The following TMTC2 variants were observed in gnomAD, a reference collection of about 807,000 sequenced individuals.
TMTC2 encodes transmembrane O-mannosyltransferase targeting cadherins 2, also known as protein O-mannosyl-transferase TMTC2.
In TMTC2, 43 loss-of-function variants were observed where a neutral mutation model predicts 82.4. That is an observed-to-expected ratio of 0.52 (90% CI 0.41 to 0.67). The LOEUF (loss-of-function observed/expected upper bound fraction) is 0.67, where lower values mean the gene tolerates loss of function less well. Ranked by LOEUF, TMTC2 falls within the 30% of genes least tolerant of loss-of-function variation. The probability of loss-of-function intolerance (pLI) is 0.00; values close to 1 mark genes in which losing one functional copy is unlikely to be tolerated. For missense variants in TMTC2, 919 were observed against 1,012.4 expected, an observed-to-expected ratio of 0.91 and a Z score of 1.25; for synonymous variants, 408 against 381.9, an observed-to-expected ratio of 1.07 and a Z score of -0.80.
intron 1 of TMTC2, among the ~76,000 whole-genome samples, chr12:82,838,168 T>C (rs1870150707): frequency 6.6e-6 from 1 of 152,204 alleles, no homozygotes; most frequent in African/African-American, 2.4e-5. Context: ...GATCACAAGA[T>C]AAGGCAGGCT....
At chr12:83,032,937 T>A (rs1220478790) in intron 9 of TMTC2, among the ~76,000 whole-genome samples, 1 of 152,154 alleles carries the variant, frequency 6.6e-6, no homozygotes, top group African/African-American at 2.4e-5. Flanking sequence ...AAAAACCAAT[T>A]CTTCTTAGAA....
chr12:83,091,531 G>T (rs548250682), intron 11 of TMTC2, among the ~76,000 whole-genome samples: 2 of 152,244 alleles, frequency 1.3e-5, no homozygotes, highest in East Asian at 3.9e-4. Context: ...CACAATTGCT[G>T]AATTTGAATA....
At chr12:82,996,064 A>C (rs1202636789) in intron 8 of TMTC2, among the ~76,000 whole-genome samples, 1 of 152,216 alleles carries the variant, frequency 6.6e-6, no homozygotes, top group Non-Finnish European at 1.5e-5. Flanking sequence ...TTCAGTTTTT[A>C]GATTTTTCTT....
At chr12:83,114,775 G>A (rs1884701211) in intron 11 of TMTC2, among the ~76,000 whole-genome samples, 1 of 151,904 alleles carries the variant, frequency 6.6e-6, no homozygotes. Context: ...ACCCCAGTAT[G>A]TCTTTGCTTA....
intron 2 of TMTC2, among the ~76,000 whole-genome samples, chr12:82,871,681 C>CTGTGTGTGTGTG (rs10662218): frequency 0.017 from 2,348 of 142,134 alleles, 82 homozygotes; most frequent in African/African-American, 0.057. Context: ...CTCTGCTCAT[C>CTGTGTGTGTGTG]TGTGTGTGTG....
chr12:82,978,849 A>G (rs1042985149), intron 7 of TMTC2, among the ~76,000 whole-genome samples: 3 of 151,772 alleles, frequency 2.0e-5, no homozygotes, highest in African/African-American at 7.2e-5. Context: ...CTTGGTTTAT[A>G]TATCTGGGTT....
chr12:82,690,106 A>T (rs1872515567), intron 1 of TMTC2, among the ~76,000 whole-genome samples: 1 of 152,240 alleles, frequency 6.6e-6, no homozygotes, highest in Admixed American at 6.5e-5. Flanking sequence ...TTGTGAAGTT[A>T]CACTATAAAT....
chr12:83,076,974 A>G (rs1167559663), intron 11 of TMTC2, among the ~76,000 whole-genome samples: 1 of 152,232 alleles, frequency 6.6e-6, no homozygotes, highest in Non-Finnish European at 1.5e-5. Flanking sequence ...TGAAAGTTCC[A>G]TGTCCTTGTT....
At chr12:83,109,520 T>A (rs535231903) in intron 11 of TMTC2, among the ~76,000 whole-genome samples, 1 of 152,290 alleles carries the variant, frequency 6.6e-6, no homozygotes, top group South Asian at 2.1e-4. Context: ...CTTACCAGGT[T>A]TTCTCTTCTG....
At chr12:82,889,282 A>AAAC (rs745538936) in intron 2 of TMTC2, among the ~76,000 whole-genome samples, 10 of 149,518 alleles carry the variant, frequency 6.7e-5, no homozygotes, top group Middle Eastern at 3.5e-3. Flanking sequence ...AAAAAAAAAA[A>AAAC]AGTGTAGGAA....
intron 2 of TMTC2, among the ~76,000 whole-genome samples, chr12:82,893,547 A>G (rs1873507477): frequency 6.6e-6 from 1 of 152,148 alleles, no homozygotes; most frequent in East Asian, 1.9e-4. Flanking sequence ...GCACTATTGT[A>G]TCTGATATTA....
chr12:82,729,180 G>A (rs957442787), intron 1 of TMTC2, among the ~76,000 whole-genome samples: 4 of 152,224 alleles, frequency 2.6e-5, no homozygotes, highest in African/African-American at 9.6e-5. Flanking sequence ...AAGCCAGTTG[G>A]GCTCCTGAGT....
At chr12:83,049,685 G>A (rs1401176643) in intron 9 of TMTC2, among the ~76,000 whole-genome samples, 2 of 152,152 alleles carry the variant, frequency 1.3e-5, no homozygotes, top group African/African-American at 2.4e-5. Context: ...CACAATAATG[G>A]GATTGCTGTG....
chr12:82,972,700 G>T (rs1182331712), intron 7 of TMTC2, among the ~76,000 whole-genome samples: 1 of 152,114 alleles, frequency 6.6e-6, no homozygotes, highest in South Asian at 2.1e-4. Flanking sequence ...TAGGTGAGAA[G>T]AACTGACAAA....
At chr12:82,956,296 A>AATATATAT (rs146632110) in intron 4 of TMTC2, among the ~76,000 whole-genome samples, 1 of 150,204 alleles carries the variant, frequency 6.7e-6, no homozygotes, top group African/African-American at 2.4e-5. Flanking sequence ...TGGAATGAAA[A>AATATATAT]ATATATATAT....
Position 82,815,293 on chromosome 12 carries a change from TTTAA to T in TMTC2, c.84-41701_84-41698del, listed in dbSNP as rs199636738. Among the ~76,000 whole-genome samples, 72 of 150,558 alleles carry T rather than the reference TTTAA, an allele frequency of 4.8e-4. 1 individual carries two copies. The highest frequency in any genetic ancestry group is 1.3e-3 in the Admixed American group (20 of 15,132). Reference sequence around the variant, plus strand: ...GCCATTCTTTTGCGCATTTATTTTTTTTAATTAATTAATTAATTATTTATTTATT... The same window carrying T: ...GCCATTCTTTTGCGCATTTATTTTTTTTAATTAATTAATTATTTATTTATT... On this transcript the variant is annotated intron_variant, in intron 1 of 11. Transcript: ENST00000321196.
At chr12:82,777,834 G>A (rs1202498144) in intron 1 of TMTC2, among the ~76,000 whole-genome samples, 2 of 151,972 alleles carry the variant, frequency 1.3e-5, no homozygotes, top group African/African-American at 4.8e-5. Flanking sequence ...AATTGTTGAT[G>A]TTCATGCTTT....
At chr12:82,716,597 T>C (rs112191960) in intron 1 of TMTC2, among the ~76,000 whole-genome samples, 15,545 of 151,966 alleles carry the variant, frequency 0.1, 912 homozygotes, top group East Asian at 0.23. Flanking sequence ...CTCCTGACCT[T>C]GTGATCCGCC....
At chr12:82,976,023 G>A (rs1878655008) in intron 7 of TMTC2, among the ~76,000 whole-genome samples, 1 of 151,722 alleles carries the variant, frequency 6.6e-6, no homozygotes, top group Non-Finnish European at 1.5e-5. Context: ...ATATTTTTGG[G>A]GAAAAGATCC....
Sources: gnomAD v4.1 joint callset for allele counts (sites outside exome capture counted in the v4.1 genomes callset) on GRCh38, gnomAD v4.1.1 for gene constraint, MANE v1.5 for transcripts, NCBI Gene and HGNC (gene_info 2026-07-23, HGNC 2026-07-21) for gene names.